CNTNAP2: variants seen among roughly 807,000 people sequenced by gnomAD.
CNTNAP2 encodes contactin associated protein 2.
In CNTNAP2, 98 loss-of-function variants were observed where a neutral mutation model predicts 155.2. The ratio of observed to expected loss-of-function variants is 0.63; its 90% CI spans 0.54 to 0.75. CNTNAP2 has a LOEUF of 0.75. Ranked by LOEUF, CNTNAP2 falls within the 30% of genes least tolerant of loss-of-function variation. The pLI, the probability that CNTNAP2 is intolerant of heterozygous loss-of-function variation, is 0.00. For missense variants in CNTNAP2, 1,727 were observed against 1,688.1 expected (o/e 1.02, Z -0.40); for synonymous variants, 651 against 631.2 (o/e 1.03, Z -0.47).
At chr7:146,617,676 A>T (rs552107905) in intron 1 of CNTNAP2, among the ~76,000 whole-genome samples, 1 of 152,312 alleles carries the variant, frequency 6.6e-6, no homozygotes, top group South Asian at 2.1e-4. Context: ...TGTTAGAAAA[A>T]ACTGAAACTG....
At chr7:147,545,543 G>T (rs1382410148) in intron 11 of CNTNAP2, among the ~76,000 whole-genome samples, 1 of 152,098 alleles carries the variant, frequency 6.6e-6, no homozygotes, top group East Asian at 1.9e-4. Context: ...TCTGAGATAG[G>T]CTCTTCTGAA....
chr7:148,221,921 T>C (rs1197519270), intron 19 of CNTNAP2, among the ~76,000 whole-genome samples: 2 of 152,220 alleles, frequency 1.3e-5, no homozygotes, highest in Non-Finnish European at 2.9e-5. Context: ...TAATTCCCAG[T>C]AGTGTTTACG....
At chr7:146,278,819 T>G (rs1800204543) in intron 1 of CNTNAP2, among the ~76,000 whole-genome samples, 1 of 152,162 alleles carries the variant, frequency 6.6e-6, no homozygotes, top group Non-Finnish European at 1.5e-5. Flanking sequence ...TGGAGCCCAC[T>G]TTTATTACAG....
At chr7:147,402,910 T>C (rs1796941161) in intron 10 of CNTNAP2, among the ~76,000 whole-genome samples, 1 of 148,592 alleles carries the variant, frequency 6.7e-6, no homozygotes. Context: ...TCATACTGAC[T>C]GATGAACCCT....
intron 1 of CNTNAP2, among the ~76,000 whole-genome samples, chr7:146,740,486 T>G (rs983205236): frequency 3.9e-5 from 6 of 152,174 alleles, no homozygotes; most frequent in African/African-American, 1.4e-4. Context: ...AATATCTGTT[T>G]GGTGTTGTCA....
intron 13 of CNTNAP2, among the ~76,000 whole-genome samples, chr7:147,894,382 A>G (rs1374091500): frequency 2.6e-5 from 4 of 152,162 alleles, no homozygotes. Context: ...CTTAGAAAAA[A>G]TCCTGCACTG....
At chr7:147,312,062 A>G (rs1430213687) in intron 9 of CNTNAP2, among the ~76,000 whole-genome samples, 1 of 152,036 alleles carries the variant, frequency 6.6e-6, no homozygotes, top group Non-Finnish European at 1.5e-5. Flanking sequence ...TTTTAAAAAG[A>G]TCAGATTTTA....
At chr7:147,171,859 A>G (rs1232680321) in intron 8 of CNTNAP2, among the ~76,000 whole-genome samples, 1 of 152,092 alleles carries the variant, frequency 6.6e-6, no homozygotes, top group Non-Finnish European at 1.5e-5. Flanking sequence ...TAAATTGGGT[A>G]TTACATCGTG....
At chr7:146,658,384 C>CAA (rs200493732) in intron 1 of CNTNAP2, among the ~76,000 whole-genome samples, 3,174 of 139,668 alleles carry the variant, frequency 0.023, 44 homozygotes, top group African/African-American at 0.028. Flanking sequence ...TGATTTCTGC[C>CAA]AAAAAAAAAA....
chr7:146,257,954 G>A (rs1335382990), intron 1 of CNTNAP2, among the ~76,000 whole-genome samples: 1 of 149,928 alleles, frequency 6.7e-6, no homozygotes, highest in Non-Finnish European at 1.5e-5. Context: ...GTGTGATCTC[G>A]GCCTCAGCTC....
chr7:146,225,915 T>A (rs1799285325), intron 1 of CNTNAP2, among the ~76,000 whole-genome samples: 1 of 152,260 alleles, frequency 6.6e-6, no homozygotes, highest in African/African-American at 2.4e-5. Context: ...TCTTTCACTC[T>A]TTGTAATCCA....
intron 1 of CNTNAP2, among the ~76,000 whole-genome samples, chr7:146,400,640 T>A (rs1478133519): frequency 6.6e-6 from 1 of 152,228 alleles, no homozygotes; most frequent in Non-Finnish European, 1.5e-5. Flanking sequence ...TTGGGGTTGT[T>A]TTCTTTAGGC....
chr7:147,297,937 A>G (rs181646642), intron 8 of CNTNAP2, among the ~76,000 whole-genome samples: 1 of 152,326 alleles, frequency 6.6e-6, no homozygotes, highest in East Asian at 1.9e-4. Context: ...GTATATACGT[A>G]GTAGTTGGAT....
intron 15 of CNTNAP2, among the ~76,000 whole-genome samples, chr7:148,008,337 A>G (rs1802015792): frequency 6.6e-6 from 1 of 152,110 alleles, no homozygotes; most frequent in Non-Finnish European, 1.5e-5. Flanking sequence ...ACGCCACTAC[A>G]CTCCAGCCTG....
In CNTNAP2 at chr7:146,420,934, A is replaced by G. The variant is rs138850810; in HGVS notation, c.97+303961A>G. ...TGCAAGCTTTCACATTGGACTGTTCAGAATGCCCTGATAGTCACATTTTAG... is the reference window on the plus strand; with the variant it reads ...TGCAAGCTTTCACATTGGACTGTTCGGAATGCCCTGATAGTCACATTTTAG... On this transcript the variant is annotated intron_variant, in intron 1 of 23. Transcript: ENST00000361727. Among the ~76,000 whole-genome samples the G allele has an allele frequency of 1.4e-3, 210 of 152,190 alleles. 3 individuals carry two copies. Among genetic ancestry groups the G allele is most frequent in the Non-Finnish European group, 4.1e-4 (28 of 67,968 alleles).
chr7:146,900,565 T>C (rs1355504846), intron 3 of CNTNAP2, among the ~76,000 whole-genome samples: 3 of 152,178 alleles, frequency 2.0e-5, no homozygotes, highest in Non-Finnish European at 4.4e-5. Flanking sequence ...CCCTGGCCTA[T>C]CTTGCTAGTC....
In CNTNAP2 at chr7:148,016,506, G is replaced by A. The variant is rs763451799; in HGVS notation, c.2383+38517G>A. On this transcript the variant is annotated intron_variant, in intron 15 of 23. Coordinates refer to ENST00000361727, the MANE Select transcript of CNTNAP2 (RefSeq NM_014141.6). ...AACTGTGCATGTCTAGCTTATCTGG[G>A]GGAAGACACTGAAGAGAGGCAGAGG... Among the ~76,000 whole-genome samples the A allele has an allele frequency of 4.6e-5, 7 of 152,172 alleles. No individual in the cohort carries two copies. In the South Asian group the frequency reaches 1.2e-3, roughly 27 times the overall value.
At chr7:147,067,252 A>G (rs1336776742) in intron 4 of CNTNAP2, among the ~76,000 whole-genome samples, 1 of 140,648 alleles carries the variant, frequency 7.1e-6, no homozygotes, top group African/African-American at 2.6e-5. Flanking sequence ...GGTCACGCCA[A>G]TGCACTCCAG....
intron 9 of CNTNAP2, among the ~76,000 whole-genome samples, chr7:147,358,393 A>T (rs996216085): frequency 4.6e-5 from 7 of 152,124 alleles, no homozygotes; most frequent in Admixed American, 4.6e-4. Context: ...CTCCTATGGA[A>T]TTTTCTAGTA....
Sources: allele counts gnomAD v4.1 joint callset (sites outside exome capture counted in the v4.1 genomes callset), GRCh38; gene constraint gnomAD v4.1.1; transcripts MANE v1.5; gene names NCBI Gene and HGNC (gene_info 2026-07-23, HGNC 2026-07-21).